ZFHX3: variants seen among roughly 807,000 people sequenced by gnomAD.
ZFHX3 encodes zinc finger homeobox protein 3.
ZFHX3 carries 42 observed loss-of-function variants against 279.1 expected under a neutral mutation model. The observed-to-expected ratio is 0.15, with a 90% CI of 0.12 to 0.19. The LOEUF (loss-of-function observed/expected upper bound fraction) is 0.19. Among genes scored for constraint, ZFHX3 ranks in the 10% least tolerant of loss-of-function variants. The probability of loss-of-function intolerance (pLI) is 1.00; values close to 1 mark genes in which losing one functional copy is unlikely to be tolerated. For missense variants in ZFHX3, 4,981 were observed against 4,754.0 expected, an observed-to-expected ratio of 1.05 and a Z score of -1.40; for synonymous variants, 2,293 against 1,957.8, an observed-to-expected ratio of 1.17 and a Z score of -4.52.
intron 1 of ZFHX3, among the ~76,000 whole-genome samples, chr16:73,058,165 G>A (rs1437765521): frequency 6.9e-6 from 1 of 145,164 alleles, no homozygotes; most frequent in East Asian, 2.0e-4. Context: ...CGCCCCGGGC[G>A]CCTCCACCCT....
chr16:73,689,605 T>C (rs1306491647), intron 1 of ZFHX3, among the ~76,000 whole-genome samples: 1 of 152,090 alleles, frequency 6.6e-6, no homozygotes, highest in South Asian at 2.1e-4. Flanking sequence ...GCTAAGGGAA[T>C]GTGAAGTCAG....
At chr16:72,939,121 G>A (rs946893792) in intron 3 of ZFHX3, among the ~76,000 whole-genome samples, 20 of 152,138 alleles carry the variant, frequency 1.3e-4, no homozygotes, top group Non-Finnish European at 2.2e-4. Flanking sequence ...GAGACATGGC[G>A]GTAGAGGGGA....
chr16:73,257,174 A>C (rs935462538), intron 4 of ZFHX3: 5 of 152,214 alleles, frequency 3.3e-5, no homozygotes, highest in Non-Finnish European at 5.9e-5. Flanking sequence ...TCAAAAAACT[A>C]TTTTTGGTAC....
At chr16:73,423,653 G>C (rs1443535855) in intron 3 of ZFHX3, among the ~76,000 whole-genome samples, 1 of 152,178 alleles carries the variant, frequency 6.6e-6, no homozygotes, top group Non-Finnish European at 1.5e-5. Context: ...CCTAAGGTCA[G>C]GAGTTTGAGA....
At chr16:73,433,022 G>A (rs2143518583) in intron 3 of ZFHX3, among the ~76,000 whole-genome samples, 1 of 152,332 alleles carries the variant, frequency 6.6e-6, no homozygotes, top group Non-Finnish European at 1.5e-5. Context: ...CCACAGGAGG[G>A]AGAGGCTGGG....
intron 3 of ZFHX3, among the ~76,000 whole-genome samples, chr16:72,921,216 T>TAC (rs1453356756): frequency 6.6e-6 from 1 of 150,386 alleles, no homozygotes; most frequent in African/African-American, 2.4e-5. Flanking sequence ...CGCCACACCC[T>TAC]ACATCATGCT....
intron 3 of ZFHX3, among the ~76,000 whole-genome samples, chr16:72,894,089 C>T (rs2038836609): frequency 6.7e-6 from 1 of 149,338 alleles, no homozygotes; most frequent in Non-Finnish European, 1.5e-5. Context: ...GCAGAGGTTG[C>T]AGTGAGCCAC....
intron 4 of ZFHX3, among the ~76,000 whole-genome samples, chr16:72,867,846 T>C (rs1440175605): frequency 6.6e-6 from 1 of 152,230 alleles, no homozygotes; most frequent in African/African-American, 2.4e-5. Flanking sequence ...GAGTCGGTTT[T>C]TCTGGAAAGT....
In ZFHX3 at chr16:72,784,293, A is replaced by AG. The variant is rs1409100772; in HGVS notation, c.*2870dup. On this transcript the variant is annotated 3_prime_UTR_variant, in exon 10 of 10. Coordinates refer to ENST00000268489, the MANE Select transcript of ZFHX3 (RefSeq NM_006885.4). ...AACAAAAACAAAAACCCAAACCATC[A>AG]GGGAGGGGGCAGCAAAATTATAAAG... 1.3e-5 allele frequency: 2 copies of AG among 152,222 alleles called. No individual in the cohort carries two copies. Among genetic ancestry groups the AG allele is most frequent in the African/African-American group, 4.8e-5 (2 of 41,310 alleles). The allele number at this position is 152,222 out of a possible 1,614,324, so 9.4% of individuals were successfully genotyped here. A position where few individuals can be genotyped will look rare whatever the true frequency, so the allele number is the denominator to read the frequency against.
chr16:73,684,984 C>T (rs1198462391), intron 1 of ZFHX3, among the ~76,000 whole-genome samples: 19 of 150,686 alleles, frequency 1.3e-4, no homozygotes, highest in Non-Finnish European at 2.4e-4. Flanking sequence ...CAGGCGTGAG[C>T]CACTGTGCCA....
At chr16:73,195,085 T>C (rs1018454616) in intron 5 of ZFHX3, among the ~76,000 whole-genome samples, 1 of 152,206 alleles carries the variant, frequency 6.6e-6, no homozygotes. Context: ...ATTTCAAGTC[T>C]CTCCAAATAC....
chr16:73,149,760 C>T (rs566455476), intron 5 of ZFHX3, among the ~76,000 whole-genome samples: 41 of 152,188 alleles, frequency 2.7e-4, no homozygotes, highest in Middle Eastern at 3.4e-3. Context: ...ATCCTGTCAG[C>T]GAATGTGAAA....
At chr16:73,242,280 A>G (rs1303058988) in intron 5 of ZFHX3, among the ~76,000 whole-genome samples, 1 of 152,156 alleles carries the variant, frequency 6.6e-6, no homozygotes, top group African/African-American at 2.4e-5. Flanking sequence ...CCCAGTTCAC[A>G]ATTATACAGT....
intron 3 of ZFHX3, among the ~76,000 whole-genome samples, chr16:73,390,070 AT>A (rs1171936273): frequency 3.9e-5 from 6 of 152,154 alleles, no homozygotes; most frequent in African/African-American, 1.4e-4. Context: ...AAAAAAATAA[AT>A]AAAAAATAAA....
intron 3 of ZFHX3, among the ~76,000 whole-genome samples, chr16:73,404,743 G>A (rs1040738896): frequency 4.6e-5 from 7 of 152,098 alleles, no homozygotes; most frequent in African/African-American, 9.7e-5. Flanking sequence ...GGATGTCCCC[G>A]CGAGCCCAGA....
chr16:73,093,264 G>A, exon 8 of ZFHX3: 2 of 502,786 alleles, frequency 4.0e-6, no homozygotes, highest in East Asian at 5.5e-5. Context: ...TCACTCAAAG[G>A]CCACGTGCCA....
At chr16:73,845,363 G>A (rs750906307) in intron 1 of ZFHX3, among the ~76,000 whole-genome samples, 7 of 152,110 alleles carry the variant, frequency 4.6e-5, no homozygotes, top group Non-Finnish European at 1.0e-4. Context: ...GAGCTCATCT[G>A]GAATGCAAAG....
rs1226304245 is a variant in ZFHX3 at position 73,036,687 on chromosome 16, C to T, written c.-50+11065G>A. Among the ~76,000 whole-genome samples, 8 of 152,188 alleles carry T rather than the reference C, an allele frequency of 5.3e-5. No individual in the cohort carries two copies. In the South Asian group the frequency reaches 1.2e-3, roughly 24 times the overall value. ...GGTGTATCAGGGGAACTGCCCCTCC[C>T]GGCGCTTTGATCCCCTCGGTCGGTC... On this transcript the variant is annotated intron_variant, in intron 1 of 9. Coordinates refer to ENST00000268489, the MANE Select transcript of ZFHX3 (RefSeq NM_006885.4).
intron 2 of ZFHX3, chr16:73,499,566 T>A (rs1301770670): frequency 7.9e-5 from 12 of 152,202 alleles, no homozygotes; most frequent in Admixed American, 7.9e-4. Context: ...ACCCACCTGG[T>A]GTGCAAACAT....
Sources: gnomAD v4.1 joint callset for allele counts (sites outside exome capture counted in the v4.1 genomes callset) on GRCh38, gnomAD v4.1.1 for gene constraint, MANE v1.5 for transcripts, NCBI Gene and HGNC (gene_info 2026-07-23, HGNC 2026-07-21) for gene names.